APOBEC2: variants seen among roughly 807,000 people sequenced by gnomAD.
The protein encoded by APOBEC2 is C->U-editing enzyme APOBEC-2.
APOBEC2 carries 14 observed loss-of-function variants against 19.4 expected under a neutral mutation model. The observed-to-expected ratio is 0.72, with a 90% CI of 0.48 to 1.13. The LOEUF (loss-of-function observed/expected upper bound fraction) is 1.13, where lower values mean the gene tolerates loss of function less well. Among genes scored for constraint, APOBEC2 ranks in the 50% most tolerant of loss-of-function variants. APOBEC2 has a pLI of 0.00. For synonymous variants in APOBEC2, 127 were observed against 112.1 expected, an observed-to-expected ratio of 1.13 and a Z score of -0.84; for missense variants, 304 against 277.0, an observed-to-expected ratio of 1.10 and a Z score of -0.69.
chr6:41,057,117 TA>T (rs1762806838), intron 1 of APOBEC2, among the ~76,000 whole-genome samples: 1 of 152,166 alleles, frequency 6.6e-6, no homozygotes, highest in Non-Finnish European at 1.5e-5. Flanking sequence ...GGAACAAAGA[TA>T]AATGGCACAC....
chr6:41,054,502 G>A (rs1762770814), intron 1 of APOBEC2, among the ~76,000 whole-genome samples: 1 of 152,210 alleles, frequency 6.6e-6, no homozygotes, highest in Non-Finnish European at 1.5e-5. Context: ...CTTGACAAGT[G>A]ATTTTCCAGT....
intron 1 of APOBEC2, among the ~76,000 whole-genome samples, chr6:41,058,174 C>T (rs1457808031): frequency 6.9e-6 from 1 of 145,528 alleles, no homozygotes; most frequent in Non-Finnish European, 1.5e-5. Flanking sequence ...CACACACACA[C>T]ACACACACAC....
At position 41,064,890 on chromosome 6, in the gene APOBEC2, C is replaced by T. The variant is rs1762947007; in HGVS notation, c.*811C>T. ...AATACATGGTGTTTGATGGTAATGG[C>T]AGGATGATGTCAAGTCTCTCTTTTT... On this transcript the variant is annotated 3_prime_UTR_variant, in exon 3 of 3. Transcript: ENST00000244669. 6.6e-6 allele frequency: 1 copy of T among 151,016 alleles called. No individual in the cohort carries two copies. The highest frequency in any genetic ancestry group is 1.5e-5 in the Non-Finnish European group (1 of 67,890). The allele number at this position is 151,016 out of a possible 1,614,324, so 9.4% of individuals were successfully genotyped here. A position where few individuals can be genotyped will look rare whatever the true frequency, so the allele number is the denominator to read the frequency against.
chr6:41,063,449 G>A (rs1179749188), intron 2 of APOBEC2, among the ~76,000 whole-genome samples: 1 of 149,782 alleles, frequency 6.7e-6, no homozygotes, highest in African/African-American at 2.4e-5. Context: ...CTAACCGGCA[G>A]CTTAAAATTT....
At chr6:41,060,261 A>T (rs1762854766) in intron 1 of APOBEC2, among the ~76,000 whole-genome samples, 1 of 152,174 alleles carries the variant, frequency 6.6e-6, no homozygotes, top group Non-Finnish European at 1.5e-5. Context: ...GTGTCCTAAG[A>T]TACCTACTGG....
At chr6:41,059,593 G>A (rs376145098) in intron 1 of APOBEC2, among the ~76,000 whole-genome samples, 2 of 152,196 alleles carry the variant, frequency 1.3e-5, no homozygotes, top group African/African-American at 4.8e-5. Context: ...GGGGCTTAGA[G>A]AGCTAAGTAT....
intron 1 of APOBEC2, among the ~76,000 whole-genome samples, chr6:41,059,321 G>T (rs757254229): frequency 5.9e-5 from 9 of 152,258 alleles, no homozygotes; most frequent in Non-Finnish European, 1.3e-4. Context: ...CTTGGGGAGT[G>T]GGGCAAAAGG....
intron 2 of APOBEC2, among the ~76,000 whole-genome samples, chr6:41,063,534 C>CTTTTTT (rs34638825): frequency 4.7e-5 from 4 of 85,372 alleles, no homozygotes; most frequent in African/African-American, 9.9e-5. Context: ...GTCCTTAGAG[C>CTTTTTT]TTTTTTTTTT....
chr6:41,061,297 T>C (rs533922840), intron 1 of APOBEC2, 31 bp from the exon 2 acceptor site: 1 of 1,510,818 alleles, frequency 6.6e-7, no homozygotes, highest in African/African-American at 1.4e-5. Context: ...CTTATCATTC[T>C]TTCCTGTCCT....
At position 41,064,462 on chromosome 6, in the gene APOBEC2, T is replaced by A. The variant is rs1762930961; in HGVS notation, c.*383T>A. 1 of 152,152 alleles carries A rather than the reference T, an allele frequency of 6.6e-6. No homozygotes were observed. The highest frequency in any genetic ancestry group is 1.5e-5 in the Non-Finnish European group (1 of 68,042). The allele number at this position is 152,152 out of a possible 1,614,324, so 9.4% of individuals were successfully genotyped here. A position where few individuals can be genotyped will look rare whatever the true frequency, so the allele number is the denominator to read the frequency against. On this transcript the variant is annotated 3_prime_UTR_variant, in exon 3 of 3. Coordinates refer to ENST00000244669, the MANE Select transcript of APOBEC2 (RefSeq NM_006789.4). ...AATATGCATTTTATGTTAAGTTGGG[T>A]ATTTTTTTAAAAAAAGAAAAACAGC...
At chr6:41,055,093 G>A (rs1762777706) in intron 1 of APOBEC2, among the ~76,000 whole-genome samples, 1 of 152,132 alleles carries the variant, frequency 6.6e-6, no homozygotes, top group Non-Finnish European at 1.5e-5. Context: ...ATATATTATT[G>A]CCACTTTACA....
At chr6:41,059,762 A>T (rs1762848910) in intron 1 of APOBEC2, among the ~76,000 whole-genome samples, 1 of 152,160 alleles carries the variant, frequency 6.6e-6, no homozygotes, top group African/African-American at 2.4e-5. Flanking sequence ...GTTTACTCAT[A>T]TCTTTGGCAT....
At chr6:41,061,971 T>G in intron 2 of APOBEC2, 79 bp downstream of exon 2, 1 of 1,292,054 alleles carries the variant, frequency 7.7e-7, no homozygotes, top group Non-Finnish European at 1.1e-6. Flanking sequence ...GTAGAATCTG[T>G]GATATGTCTG....
chr6:41,062,574 A>C (rs968528428), intron 2 of APOBEC2, among the ~76,000 whole-genome samples: 1 of 152,228 alleles, frequency 6.6e-6, no homozygotes, highest in Non-Finnish European at 1.5e-5. Context: ...CGAATGCAGG[A>C]ATGGGGATAA....
chr6:41,055,865 C>T (rs919436421), intron 1 of APOBEC2, among the ~76,000 whole-genome samples: 12 of 152,186 alleles, frequency 7.9e-5, no homozygotes, highest in Non-Finnish European at 1.5e-4. Flanking sequence ...GTGATATCAC[C>T]TCGGGAGCTT....
At chr6:41,062,042 C>T in intron 2 of APOBEC2, 150 bp downstream of exon 2, 3 of 761,024 alleles carry the variant, frequency 3.9e-6, no homozygotes, top group Non-Finnish European at 6.2e-6. Context: ...TAGTTTAGAA[C>T]ATGTCTCTTT....
chr6:41,057,643 G>A (rs1762812188), intron 1 of APOBEC2, among the ~76,000 whole-genome samples: 1 of 152,156 alleles, frequency 6.6e-6, no homozygotes, highest in Non-Finnish European at 1.5e-5. Context: ...TCACCAACAG[G>A]TCTAGTGAGG....
chr6:41,060,608 C>G (rs928595933), intron 1 of APOBEC2, among the ~76,000 whole-genome samples: 1 of 152,200 alleles, frequency 6.6e-6, no homozygotes, highest in Non-Finnish European at 1.5e-5. Flanking sequence ...GCTTAACTAT[C>G]CCAAGATACC....
At chr6:41,059,608 C>T (rs775125875) in intron 1 of APOBEC2, among the ~76,000 whole-genome samples, 10 of 152,170 alleles carry the variant, frequency 6.6e-5, no homozygotes, top group African/African-American at 2.4e-4. Flanking sequence ...AAGTATAGTA[C>T]CTGATGGAAT....
Sources: allele counts gnomAD v4.1 joint callset (sites outside exome capture counted in the v4.1 genomes callset), GRCh38; gene constraint gnomAD v4.1.1; transcripts MANE v1.5; gene names NCBI Gene and HGNC (gene_info 2026-07-23, HGNC 2026-07-21).